PPFIA1: variants seen among roughly 807,000 people sequenced by gnomAD.
The protein encoded by PPFIA1 is liprin-alpha-1.
Under a neutral mutation model 149.9 loss-of-function variants are expected in PPFIA1, and 25 were observed. The observed-to-expected ratio is 0.17, with a 90% CI of 0.12 to 0.23. PPFIA1 has a LOEUF of 0.23. PPFIA1 is among the 10% of genes least tolerant of loss of function. PPFIA1 has a pLI of 1.00. For missense variants in PPFIA1, 1,362 were observed against 1,506.5 expected (o/e 0.90, Z 1.59); for synonymous variants, 549 against 552.8 (o/e 0.99, Z 0.10).
Position 70,383,212 on chromosome 11 carries a change from A to G in PPFIA1, c.*222A>G, listed in dbSNP as rs1237605387. 2 of 312,476 alleles carry G rather than the reference A, an allele frequency of 6.4e-6. No homozygotes were observed. Among genetic ancestry groups the G allele is most frequent in the Non-Finnish European group, 1.2e-5 (2 of 168,402 alleles). 19.4% of individuals were successfully genotyped at this position (312,476 alleles called of 1,614,324 possible). On this transcript the variant is annotated 3_prime_UTR_variant, in exon 28 of 28. Transcript: ENST00000253925. ...ATGTTTCTTATATTTATGTAAACTT[A>G]TGACTCTTCATTTATATAGTTACTT...
At chr11:70,284,756 G>T (rs919543130) in intron 2 of PPFIA1, among the ~76,000 whole-genome samples, 4 of 152,154 alleles carry the variant, frequency 2.6e-5, no homozygotes, top group Admixed American at 2.6e-4. Context: ...GCAAAGGCCA[G>T]AGCAAGGGAG....
At chr11:70,378,575 C>G (rs2057581235) in intron 26 of PPFIA1, 4 of 471,700 alleles carry the variant, frequency 8.5e-6, no homozygotes, top group Non-Finnish European at 1.1e-5. Flanking sequence ...TAATTTACTG[C>G]TCTCCACACC....
rs536835693 is a variant in PPFIA1, at chr11:70,361,990, G to A, written c.2583-105G>A. ...TGTCTAGGCTGGTCTTGAACTCCTG[G>A]GCTCAAGTGGTCCTCCTGCCTTGGC... is the stretch of plus-strand genomic sequence containing the variant. On this transcript the variant is annotated intron_variant, in intron 19 of 27. Transcript: ENST00000253925. 2.7e-5 allele frequency: 27 copies of A among 1,005,972 alleles called. No individual in the cohort carries two copies. In the East Asian group the frequency reaches 5.6e-4, roughly 21 times the overall value. 62.3% of individuals were successfully genotyped at this position (1,005,972 alleles called of 1,614,324 possible).
chr11:70,337,302 G>T, intron 11 of PPFIA1, 63 bp from the exon 12 acceptor site: 1 of 1,141,664 alleles, frequency 8.8e-7, no homozygotes, highest in Admixed American at 2.5e-5. Flanking sequence ...AACGAATACA[G>T]CCATGCTATA....
At chr11:70,318,722 A>G (rs940929186) in intron 2 of PPFIA1, among the ~76,000 whole-genome samples, 1 of 152,204 alleles carries the variant, frequency 6.6e-6, no homozygotes, top group Admixed American at 6.5e-5. Flanking sequence ...GTCACCATCG[A>G]TCTCCATTCC....
chr11:70,277,039 T>C (rs1323780269), intron 2 of PPFIA1, among the ~76,000 whole-genome samples: 1 of 58,326 alleles, frequency 1.7e-5, no homozygotes, highest in East Asian at 4.2e-4. Flanking sequence ...TTGATTGAGA[T>C]ATATATATAT....
intron 2 of PPFIA1, among the ~76,000 whole-genome samples, chr11:70,289,502 C>G (rs2051382185): frequency 6.6e-6 from 1 of 152,082 alleles, no homozygotes; most frequent in African/African-American, 2.4e-5. Flanking sequence ...ACAAACAACC[C>G]TTCGAATGAA....
chr11:70,296,693 C>G (rs993060312), intron 2 of PPFIA1, among the ~76,000 whole-genome samples: 1 of 123,948 alleles, frequency 8.1e-6, no homozygotes, highest in Non-Finnish European at 1.7e-5. Flanking sequence ...AGAGGGAGAC[C>G]GTGGGGAGCG....
At chr11:70,368,566 T>C (rs2057071674) in intron 21 of PPFIA1, among the ~76,000 whole-genome samples, 1 of 152,228 alleles carries the variant, frequency 6.6e-6, no homozygotes, top group Non-Finnish European at 1.5e-5. Context: ...TTCTTTTTCA[T>C]TGTACACATT....
At chr11:70,378,581 A>G in intron 26 of PPFIA1, 2 of 444,518 alleles carry the variant, frequency 4.5e-6, no homozygotes, top group Non-Finnish European at 6.0e-6. Flanking sequence ...ACTGCTCTCC[A>G]CACCAGAGAA....
intron 21 of PPFIA1, chr11:70,367,496 G>A (rs1234596231): frequency 2.2e-6 from 1 of 456,074 alleles, no homozygotes; most frequent in East Asian, 6.9e-5. Context: ...AGACTGGGTT[G>A]TACTTGTGGC....
At chr11:70,297,059 T>C (rs2052101067) in intron 2 of PPFIA1, among the ~76,000 whole-genome samples, 2 of 152,188 alleles carry the variant, frequency 1.3e-5, no homozygotes, top group African/African-American at 4.8e-5. Flanking sequence ...AGTTTGGTTT[T>C]GGCAAAGAAT....
chr11:70,327,018 T>C (rs530770652), intron 7 of PPFIA1, 200 bp downstream of exon 7: 1 of 558,400 alleles, frequency 1.8e-6, no homozygotes, highest in African/African-American at 1.9e-5. Context: ...TGAAATCTCC[T>C]GTCCCTGAGC....
chr11:70,375,216 GT>G (rs919039725), intron 24 of PPFIA1, 123 bp downstream of exon 24: 11 of 222,488 alleles, frequency 4.9e-5, no homozygotes, highest in African/African-American at 3.7e-4. Flanking sequence ...CAGACAACTA[GT>G]TTTTGGTTTT....
chr11:70,327,634 G>T (rs537238810), intron 7 of PPFIA1: 1 of 152,304 alleles, frequency 6.6e-6, no homozygotes, highest in Non-Finnish European at 1.5e-5. Context: ...TTAGCCAGGC[G>T]TGGTGGCGGG....
intron 15 of PPFIA1, among the ~76,000 whole-genome samples, chr11:70,346,500 T>G (rs1480714141): frequency 6.6e-6 from 1 of 152,172 alleles, no homozygotes; most frequent in Non-Finnish European, 1.5e-5. Context: ...CTGCCTGTGT[T>G]TTTGACTTTA....
chr11:70,283,671 G>A (rs138771951), intron 2 of PPFIA1, among the ~76,000 whole-genome samples: 123 of 151,866 alleles, frequency 8.1e-4, no homozygotes, highest in African/African-American at 2.4e-3. Flanking sequence ...GCTAGAATCC[G>A]AGGGCAGAGG....
intron 2 of PPFIA1, among the ~76,000 whole-genome samples, chr11:70,295,433 C>T (rs2051872912): frequency 7.0e-6 from 1 of 143,754 alleles, no homozygotes; most frequent in Non-Finnish European, 1.5e-5. Context: ...CACAGGGGCT[C>T]CTCACTTCCC....
At chr11:70,306,768 G>C (rs528717208) in intron 2 of PPFIA1, among the ~76,000 whole-genome samples, 48 of 152,282 alleles carry the variant, frequency 3.2e-4, no homozygotes, top group Middle Eastern at 3.4e-3. Flanking sequence ...CGTAATAAGA[G>C]AAAAGGTAAA....
Sources: allele counts gnomAD v4.1 joint callset (sites outside exome capture counted in the v4.1 genomes callset), GRCh38; gene constraint gnomAD v4.1.1; transcripts MANE v1.5; gene names NCBI Gene and HGNC (gene_info 2026-07-23, HGNC 2026-07-21).